The following DEDD2 variants were observed in gnomAD, a reference collection of about 807,000 sequenced individuals.
The protein encoded by DEDD2 is death effector domain containing 2, also known as DNA-binding death effector domain-containing protein 2.
Under a neutral mutation model 28.9 loss-of-function variants are expected in DEDD2, and 18 were observed. The ratio of observed to expected loss-of-function variants is 0.62; its 90% CI spans 0.43 to 0.92. The LOEUF (loss-of-function observed/expected upper bound fraction) is 0.92, where lower values mean the gene tolerates loss of function less well. Among genes scored for constraint, DEDD2 ranks in the 40% least tolerant of loss-of-function variants. The pLI is 0.00. For missense variants in DEDD2, 411 were observed against 463.3 expected, an observed-to-expected ratio of 0.89 and a Z score of 1.04; for synonymous variants, 211 against 206.1, an observed-to-expected ratio of 1.02 and a Z score of -0.20.
intron 3 of DEDD2, among the ~76,000 whole-genome samples, chr19:42,213,223 T>A (rs751082301): frequency 1.4e-4 from 22 of 151,982 alleles, no homozygotes; most frequent in Admixed American, 6.6e-5. Flanking sequence ...GGGTCTATAG[T>A]GACACTCAAA....
At chr19:42,219,173 G>T (rs185128614), upstream of DEDD2, among the ~76,000 whole-genome samples, 64 of 152,170 alleles carry the variant, frequency 4.2e-4, 1 homozygote, top group East Asian at 0.011. Flanking sequence ...GCGTGCTGAC[G>T]CATGCCTGTA....
Position 42,199,441 on chromosome 19 carries a change from G to T in DEDD2, c.978C>A (p.Ser326=). Residue 326 remains serine (S), a synonymous_variant, in exon 5 of 5, where the codon TCC becomes TCA. Coordinates refer to ENST00000596251, the MANE Select transcript of DEDD2 (RefSeq NM_133328.4). The surrounding 1 kb of genome is among the most constrained non-coding windows in gnomAD (Gnocchi z 7.4). ...EEGGRRPTEA[S] ...GATCAATCCTGCCAGTCCTGGATCAGGAGGCCTCTGTCGGGCGCCGCCCCC... is the reference window on the plus strand; with the variant it reads ...GATCAATCCTGCCAGTCCTGGATCATGAGGCCTCTGTCGGGCGCCGCCCCC... 1 of 1,600,558 alleles carries T rather than the reference G, an allele frequency of 6.2e-7. No individual in the cohort carries two copies. The highest frequency in any genetic ancestry group is 8.5e-7 in the Non-Finnish European group (1 of 1,175,214).
intron 3 of DEDD2, among the ~76,000 whole-genome samples, chr19:42,212,173 C>T (rs960498667): frequency 1.3e-5 from 2 of 151,988 alleles, no homozygotes; most frequent in Non-Finnish European, 2.9e-5. Context: ...CGAGACTAGC[C>T]TGGCCAACAT....
At chr19:42,208,458 A>G (rs1366606480) in intron 4 of DEDD2, among the ~76,000 whole-genome samples, 1 of 152,204 alleles carries the variant, frequency 6.6e-6, no homozygotes, top group African/African-American at 2.4e-5. Context: ...CAGAGCACCT[A>G]CTAGAAGCCC....
rs139937549 is a variant in DEDD2 at position 42,217,233 on chromosome 19, G to A, written c.-38-188C>T. Among the ~76,000 whole-genome samples the A allele has an allele frequency of 8.6e-4, 131 of 151,992 alleles. 1 individual carries two copies. Among genetic ancestry groups the A allele is most frequent in the South Asian group, 7.3e-3 (35 of 4,812 alleles). ...AGGTCCCCTAAGAACAGGTCGGGACGCCGGAGCCCGCTCGGCTTCTGCCCC... is the reference window on the plus strand; with the variant it reads ...AGGTCCCCTAAGAACAGGTCGGGACACCGGAGCCCGCTCGGCTTCTGCCCC... On this transcript the variant is annotated intron_variant, in intron 1 of 4. Coordinates refer to ENST00000596251, the MANE Select transcript of DEDD2 (RefSeq NM_133328.4).
At chr19:42,211,180 C>T (rs916294386) in intron 3 of DEDD2, among the ~76,000 whole-genome samples, 9 of 151,982 alleles carry the variant, frequency 5.9e-5, no homozygotes, top group Non-Finnish European at 1.0e-4. Context: ...CAAGACCAAC[C>T]TGGAACCCGG....
At chr19:42,213,810 G>T (rs548517704) in intron 3 of DEDD2, among the ~76,000 whole-genome samples, 37 of 152,224 alleles carry the variant, frequency 2.4e-4, no homozygotes, top group African/African-American at 8.7e-4. Context: ...TATAGCAGGA[G>T]ACATAACAAC....
intron 3 of DEDD2, among the ~76,000 whole-genome samples, chr19:42,210,538 T>C (rs557952415): frequency 6.6e-6 from 1 of 151,962 alleles, no homozygotes; most frequent in East Asian, 2.0e-4. Context: ...GGATTACAGG[T>C]GTCTGCCACG....
chr19:42,206,294 T>C (rs954273145), intron 4 of DEDD2, among the ~76,000 whole-genome samples: 29 of 151,998 alleles, frequency 1.9e-4, no homozygotes, highest in African/African-American at 6.3e-4. Context: ...CACGCTGCCC[T>C]TGAGCACTGG....
chr19:42,216,448 A>G (rs994799220), intron 2 of DEDD2, among the ~76,000 whole-genome samples: 2 of 152,254 alleles, frequency 1.3e-5, no homozygotes, highest in African/African-American at 4.8e-5. Flanking sequence ...GCCTGGCATG[A>G]AACAAGCCCT....
intron 4 of DEDD2, among the ~76,000 whole-genome samples, chr19:42,204,073 G>A (rs2146860674): frequency 6.6e-6 from 1 of 152,292 alleles, no homozygotes; most frequent in Non-Finnish European, 1.5e-5. Flanking sequence ...GGTGGGCCCA[G>A]CACCCTCTTG....
At chr19:42,212,963 C>A (rs1340227916) in intron 3 of DEDD2, among the ~76,000 whole-genome samples, 1 of 152,178 alleles carries the variant, frequency 6.6e-6, no homozygotes, top group Non-Finnish European at 1.5e-5. Flanking sequence ...ACACTGTTCA[C>A]TGAAAGAACC....
chr19:42,199,708 T>C lies in DEDD2; in HGVS notation c.711A>G (p.Ala237=). The part of the protein sequence containing the change: ...RQLDVFGQAT[A]VLRSRDLGSV... ...AGCCCAGGTCCCTTGAGCGCAGCAC[T>C]GCGGTGGCCTGCCCAAACACGTCCA... The change falls in exon 5 of 5, where the codon GCA becomes GCG. Residue 237 remains alanine, a synonymous_variant. Transcript: ENST00000596251. The surrounding 1 kb of genome is among the most constrained non-coding windows in gnomAD (Gnocchi z 7.4). 1 of 1,614,062 alleles carries C rather than the reference T, an allele frequency of 6.2e-7. No homozygotes were observed. Among genetic ancestry groups the C allele is most frequent in the Non-Finnish European group, 8.5e-7 (1 of 1,179,934 alleles).
chr19:42,202,558 C>T (rs2035374350), intron 4 of DEDD2, among the ~76,000 whole-genome samples: 1 of 152,190 alleles, frequency 6.6e-6, no homozygotes, highest in African/African-American at 2.4e-5. Context: ...CCAGAGCAAT[C>T]TCCATGCCCC....
chr19:42,201,922 A>T, intron 4 of DEDD2: 1 of 398,396 alleles, frequency 2.5e-6, no homozygotes, highest in African/African-American at 2.1e-5. Context: ...GAGGAGCAGC[A>T]CCTCTTCCAG....
intron 4 of DEDD2, among the ~76,000 whole-genome samples, chr19:42,206,675 C>T (rs759657782): frequency 6.6e-6 from 1 of 152,172 alleles, no homozygotes; most frequent in East Asian, 1.9e-4. Flanking sequence ...CTGTGTCCAA[C>T]CCTAGGACCA....
chr19:42,205,150 A>T (rs2035481090), intron 4 of DEDD2, among the ~76,000 whole-genome samples: 1 of 152,174 alleles, frequency 6.6e-6, no homozygotes, highest in African/African-American at 2.4e-5. Context: ...AGTCAGCAAA[A>T]TCCAGTCTTC....
intron 4 of DEDD2, among the ~76,000 whole-genome samples, chr19:42,204,769 C>G (rs1398143859): frequency 6.6e-6 from 1 of 151,052 alleles, no homozygotes; most frequent in Non-Finnish European, 1.5e-5. Flanking sequence ...GCCCCGCCCC[C>G]ACACCAGGAC....
chr19:42,214,559 C>T (rs2035888562), intron 3 of DEDD2, among the ~76,000 whole-genome samples: 1 of 151,668 alleles, frequency 6.6e-6, no homozygotes, highest in Admixed American at 6.6e-5. Context: ...GCTAGGAGTT[C>T]AAGACCAGCC....
Sources: allele counts gnomAD v4.1 joint callset (sites outside exome capture counted in the v4.1 genomes callset), GRCh38; gene constraint gnomAD v4.1.1; non-coding constraint Gnocchi (gnomAD v3.1); transcripts MANE v1.5; gene names NCBI Gene and HGNC (gene_info 2026-07-23, HGNC 2026-07-21).